Variants in TMEFF2 observed in about 807,000 individuals in gnomAD.
TMEFF2 encodes the protein transmembrane protein with EGF like and two follistatin like domains 2.
A neutral mutation model predicts 53.8 loss-of-function variants in TMEFF2; 28 were observed. The observed-to-expected ratio is 0.52, with a 90% CI of 0.39 to 0.71. The LOEUF (loss-of-function observed/expected upper bound fraction) is 0.71, where lower values mean the gene tolerates loss of function less well. Ranked by LOEUF, TMEFF2 falls within the 30% of genes least tolerant of loss-of-function variation. The pLI, the probability that TMEFF2 is intolerant of heterozygous loss-of-function variation, is 0.00. For missense variants in TMEFF2, 353 were observed against 455.2 expected (o/e 0.78, Z 2.04); for synonymous variants, 162 against 166.3 (o/e 0.97, Z 0.20).
intron 5 of TMEFF2, chr2:192,032,758 A>T (rs1448626155): frequency 1.3e-5 from 2 of 152,206 alleles, no homozygotes; most frequent in East Asian, 3.9e-4. Flanking sequence ...AGTGTAAGGA[A>T]TGTACCTCCT....
intron 4 of TMEFF2, among the ~76,000 whole-genome samples, chr2:192,138,229 A>C (rs1487251047): frequency 6.6e-6 from 1 of 152,254 alleles, no homozygotes; most frequent in Admixed American, 6.5e-5. Context: ...GACTCTGTTC[A>C]AAAGAAGCAT....
At chr2:191,998,098 C>CA (rs1042913040) in intron 7 of TMEFF2, among the ~76,000 whole-genome samples, 164 bp downstream of exon 7, 1 of 151,820 alleles carries the variant, frequency 6.6e-6, no homozygotes, top group Admixed American at 6.6e-5. Flanking sequence ...TTTGCTTCAA[C>CA]AAAAAATTAC....
intron 4 of TMEFF2, among the ~76,000 whole-genome samples, chr2:192,091,381 C>CTCGA (rs529089054): frequency 9.1e-4 from 138 of 152,212 alleles, no homozygotes; most frequent in African/African-American, 3.3e-3. Flanking sequence ...ACCCTCCTCC[C>CTCGA]CTGCCCCTAA....
intron 7 of TMEFF2, chr2:191,992,651 A>G (rs1273540627): frequency 3.3e-5 from 5 of 152,090 alleles, no homozygotes. Context: ...AATATGGCTA[A>G]AAATTTTTAC....
chr2:192,027,460 C>T (rs567003035), intron 5 of TMEFF2, among the ~76,000 whole-genome samples: 1 of 152,114 alleles, frequency 6.6e-6, no homozygotes, highest in Non-Finnish European at 1.5e-5. Flanking sequence ...ATAATATGTA[C>T]ATGAGTAACT....
chr2:192,077,160 G>A (rs1293790747), intron 4 of TMEFF2, among the ~76,000 whole-genome samples: 2 of 152,110 alleles, frequency 1.3e-5, no homozygotes, highest in Admixed American at 1.3e-4. Context: ...GGAAAATAGC[G>A]GTTGAGAGTT....
At chr2:192,045,755 C>A (rs1687604578) in intron 5 of TMEFF2, among the ~76,000 whole-genome samples, 1 of 152,166 alleles carries the variant, frequency 6.6e-6, no homozygotes, top group African/African-American at 2.4e-5. Context: ...TGGCACCAAT[C>A]CTCATGGTGG....
At chr2:192,061,338 T>C (rs1310408067) in intron 4 of TMEFF2, among the ~76,000 whole-genome samples, 1 of 152,026 alleles carries the variant, frequency 6.6e-6, no homozygotes, top group Non-Finnish European at 1.5e-5. Context: ...CAGCCAATCT[T>C]GAATCAAAAT....
chr2:192,065,717 A>G (rs1688155032), intron 4 of TMEFF2, among the ~76,000 whole-genome samples: 1 of 151,782 alleles, frequency 6.6e-6, no homozygotes, highest in Non-Finnish European at 1.5e-5. Flanking sequence ...TAAAATGACT[A>G]TCGAGTTATG....
intron 4 of TMEFF2, among the ~76,000 whole-genome samples, chr2:192,109,698 AAATTG>A (rs768432743): frequency 7.9e-5 from 12 of 152,258 alleles, no homozygotes; most frequent in East Asian, 1.9e-4. Context: ...CTGACTTAAA[AAATTG>A]AATTGAAGTA....
rs190578922 is a variant in TMEFF2 at position 192,164,713 on chromosome 2, C to A, written c.439+14955G>T. Among the ~76,000 whole-genome samples the A allele has an allele frequency of 1.3e-4, 18 of 134,024 alleles. No homozygotes were observed. In the East Asian group the frequency reaches 2.9e-3, roughly 21 times the overall value. 87.9% of individuals were successfully genotyped at this position (134,024 alleles called of 152,430 possible). On this transcript the variant is annotated intron_variant, in intron 4 of 9. Transcript: ENST00000272771. ...ACCGCACTCCAGCCTGGTGACATAG[C>A]GAGACTTCGTCTCAAAAAAAAAAAA...
At chr2:192,133,295 C>A (rs562995886) in intron 4 of TMEFF2, among the ~76,000 whole-genome samples, 1 of 152,100 alleles carries the variant, frequency 6.6e-6, no homozygotes, top group Non-Finnish European at 1.5e-5. Flanking sequence ...TGTATCCCCC[C>A]ACCTTAACCC....
intron 4 of TMEFF2, chr2:192,178,889 G>A (rs1691116195): frequency 6.6e-6 from 1 of 151,182 alleles, no homozygotes; most frequent in Admixed American, 6.6e-5. Flanking sequence ...TATATAGGTT[G>A]TGTTTTGTTT....
At chr2:192,118,382 C>T (rs190358720) in intron 4 of TMEFF2, among the ~76,000 whole-genome samples, 8 of 152,250 alleles carry the variant, frequency 5.3e-5, no homozygotes, top group African/African-American at 1.9e-4. Flanking sequence ...TGTAACTACT[C>T]CTCCATAATA....
intron 5 of TMEFF2, among the ~76,000 whole-genome samples, chr2:192,055,255 G>T (rs1687874757): frequency 6.6e-6 from 1 of 152,180 alleles, no homozygotes; most frequent in Non-Finnish European, 1.5e-5. Flanking sequence ...AAGAGTCTTT[G>T]AATTAGTCAT....
intron 4 of TMEFF2, among the ~76,000 whole-genome samples, chr2:192,143,059 C>A (rs906854131): frequency 1.3e-5 from 2 of 152,120 alleles, no homozygotes; most frequent in African/African-American, 4.8e-5. Flanking sequence ...TCAGATCTAG[C>A]ATGTATGGAT....
At chr2:192,170,775 T>A (rs567210179) in intron 4 of TMEFF2, among the ~76,000 whole-genome samples, 57 of 152,174 alleles carry the variant, frequency 3.7e-4, no homozygotes, top group African/African-American at 1.2e-3. Flanking sequence ...TAAAAGATTT[T>A]TCAGAACTAG....
intron 4 of TMEFF2, among the ~76,000 whole-genome samples, chr2:192,138,917 G>T (rs2105987489): frequency 6.6e-6 from 1 of 152,216 alleles, no homozygotes; most frequent in East Asian, 1.9e-4. Context: ...TTTCTCCCTG[G>T]GGGGTTCAAT....
chr2:192,118,986 C>T (rs1244497600), intron 4 of TMEFF2, among the ~76,000 whole-genome samples: 1 of 152,100 alleles, frequency 6.6e-6, no homozygotes, highest in Non-Finnish European at 1.5e-5. Flanking sequence ...CTACTTTATT[C>T]TCAGAGCTTA....
Sources: gnomAD v4.1 joint callset for allele counts (sites outside exome capture counted in the v4.1 genomes callset) on GRCh38, gnomAD v4.1.1 for gene constraint, MANE v1.5 for transcripts, NCBI Gene and HGNC (gene_info 2026-07-23, HGNC 2026-07-21) for gene names.